The following MACROD2 variants were observed in gnomAD, a reference collection of about 807,000 sequenced individuals.
MACROD2 encodes the protein mono-ADP ribosylhydrolase 2.
A neutral mutation model predicts 70.4 loss-of-function variants in MACROD2; 36 were observed. The ratio of observed to expected loss-of-function variants is 0.51; its 90% CI spans 0.39 to 0.68. MACROD2 has a LOEUF of 0.68. Ranked by LOEUF, MACROD2 falls within the 30% of genes least tolerant of loss-of-function variation. MACROD2 has a pLI of 0.00. For synonymous variants in MACROD2, 172 were observed against 178.8 expected, an observed-to-expected ratio of 0.96 and a Z score of 0.30; for missense variants, 496 against 538.4, an observed-to-expected ratio of 0.92 and a Z score of 0.78.
intron 3 of MACROD2, among the ~76,000 whole-genome samples, chr20:14,365,661 A>C (rs2083265185): frequency 6.6e-6 from 1 of 151,846 alleles, no homozygotes; most frequent in African/African-American, 2.4e-5. Flanking sequence ...CTCTGCACTT[A>C]GTTTTCTGTT....
At chr20:15,397,954 A>T (rs2045881119) in intron 6 of MACROD2, among the ~76,000 whole-genome samples, 1 of 152,240 alleles carries the variant, frequency 6.6e-6, no homozygotes, top group African/African-American at 2.4e-5. Context: ...AGAGCAGAGA[A>T]AAACTATAGC....
At chr20:14,313,432 CTTTTT>C (rs11478631) in intron 3 of MACROD2, among the ~76,000 whole-genome samples, 3 of 133,020 alleles carry the variant, frequency 2.3e-5, no homozygotes, top group Non-Finnish European at 3.3e-5. Flanking sequence ...TTTCCCCCTC[CTTTTT>C]TTTTTTTTTT....
intron 8 of MACROD2, among the ~76,000 whole-genome samples, chr20:15,774,338 T>G (rs994713887): frequency 2.6e-5 from 4 of 152,186 alleles, no homozygotes; most frequent in African/African-American, 9.6e-5. Context: ...AGTGGGAGCC[T>G]TAGGCCTCCA....
intron 3 of MACROD2, among the ~76,000 whole-genome samples, chr20:14,105,637 AGGGT>A (rs1251733046): frequency 6.6e-6 from 1 of 152,214 alleles, no homozygotes; most frequent in Admixed American, 6.5e-5. Context: ...CCAGTGAACT[AGGGT>A]GGCATATGGC....
At chr20:14,156,183 T>C (rs574691373) in intron 3 of MACROD2, among the ~76,000 whole-genome samples, 1 of 152,260 alleles carries the variant, frequency 6.6e-6, no homozygotes, top group African/African-American at 2.4e-5. Flanking sequence ...TAAATCACTA[T>C]GCCAATGTGG....
At chr20:14,768,737 C>G (rs2072125955) in intron 5 of MACROD2, among the ~76,000 whole-genome samples, 1 of 152,020 alleles carries the variant, frequency 6.6e-6, no homozygotes, top group Admixed American at 6.5e-5. Flanking sequence ...CTTCCTCAGC[C>G]TCCCATGTAG....
chr20:14,723,829 C>T (rs547288177), intron 5 of MACROD2, among the ~76,000 whole-genome samples: 1 of 151,908 alleles, frequency 6.6e-6, no homozygotes, highest in Non-Finnish European at 1.5e-5. Context: ...GTTTCATTCT[C>T]GTAAAAGAAA....
intron 1 of MACROD2, among the ~76,000 whole-genome samples, chr20:14,001,226 C>T (rs2052729577): frequency 6.6e-6 from 1 of 152,066 alleles, no homozygotes; most frequent in Admixed American, 6.6e-5. Flanking sequence ...TCCCTATCTG[C>T]AAAATTGGCA....
intron 5 of MACROD2, among the ~76,000 whole-genome samples, chr20:15,035,184 AG>A (rs1468436795): frequency 1.3e-5 from 2 of 152,176 alleles, no homozygotes; most frequent in African/African-American, 4.8e-5. Flanking sequence ...GCTTAAGCCC[AG>A]GAGTTCCAGA....
At chr20:15,168,654 G>A (rs1163573261) in intron 5 of MACROD2, among the ~76,000 whole-genome samples, 4 of 152,074 alleles carry the variant, frequency 2.6e-5, no homozygotes, top group Admixed American at 2.0e-4. Flanking sequence ...TAAACAAAAT[G>A]TGGTAGATAC....
In MACROD2 at chr20:15,815,033, G is replaced by C. The variant is rs139953968; in HGVS notation, c.646-47712G>C. ...TTACACAGGTATTTCAGGGCAGAGG[G>C]GGTACTTTATCCATCTTAGCATCTG... On this transcript the variant is annotated intron_variant, in intron 8 of 17. Coordinates refer to ENST00000684519, the MANE Select transcript of MACROD2 (RefSeq NM_001351661.2). Among the ~76,000 whole-genome samples, 726 of 152,282 alleles carry C rather than the reference G, an allele frequency of 4.8e-3. 6 individuals are homozygous for C. The highest frequency in any genetic ancestry group is 0.015 in the East Asian group (76 of 5,190).
intron 6 of MACROD2, among the ~76,000 whole-genome samples, chr20:15,394,309 T>A (rs1780562052): frequency 6.6e-6 from 1 of 152,228 alleles, no homozygotes; most frequent in South Asian, 2.1e-4. Context: ...GGTCTTTTCA[T>A]ATCAACTTGG....
intron 16 of MACROD2, among the ~76,000 whole-genome samples, chr20:16,044,151 C>T (rs577211162): frequency 4.6e-5 from 7 of 152,124 alleles, no homozygotes; most frequent in South Asian, 2.1e-4. Context: ...ACAATCATGG[C>T]GGGAGAGGAA....
chr20:14,176,697 T>C (rs2081265800), intron 3 of MACROD2, among the ~76,000 whole-genome samples: 1 of 152,208 alleles, frequency 6.6e-6, no homozygotes, highest in South Asian at 2.1e-4. Context: ...GTTTTAAATA[T>C]CTCTTTGAAT....
rs1237561665 is a variant in MACROD2, at chr20:15,517,642, A to G, written c.645+17795A>G. Reference sequence around the variant, plus strand: ...TGAGCGAATGGGAGGGGGAGTAGAGAAAGGGGTATGCCAGACAGCAATCAG... The same window carrying G: ...TGAGCGAATGGGAGGGGGAGTAGAGGAAGGGGTATGCCAGACAGCAATCAG... On this transcript the variant is annotated intron_variant, in intron 8 of 17. Transcript: ENST00000684519. Among the ~76,000 whole-genome samples, 3 of 152,280 alleles carry G rather than the reference A, an allele frequency of 2.0e-5. No individual in the cohort carries two copies. In the South Asian group the frequency reaches 6.2e-4, roughly 32 times the overall value.
chr20:15,099,645 A>C (rs894245639), intron 5 of MACROD2, among the ~76,000 whole-genome samples: 3 of 152,170 alleles, frequency 2.0e-5, no homozygotes, highest in African/African-American at 7.2e-5. Flanking sequence ...TGCTGTAAAC[A>C]AACACCTAAA....
chr20:15,880,092 T>A (rs2064733534), intron 9 of MACROD2, among the ~76,000 whole-genome samples: 1 of 152,014 alleles, frequency 6.6e-6, no homozygotes, highest in Non-Finnish European at 1.5e-5. Context: ...CCGTACCCAT[T>A]CAAATTTTAA....
intron 13 of MACROD2, among the ~76,000 whole-genome samples, chr20:15,969,919 G>A (rs188319948): frequency 7.0e-6 from 1 of 143,694 alleles, no homozygotes; most frequent in Non-Finnish European, 1.5e-5. Context: ...ATAAATAATA[G>A]AAATAAATAT....
At chr20:14,401,133 G>T (rs1045527611) in intron 3 of MACROD2, among the ~76,000 whole-genome samples, 12 of 152,174 alleles carry the variant, frequency 7.9e-5, no homozygotes, top group Admixed American at 2.0e-4. Context: ...AAATTGAGCA[G>T]ATTTCTGAGT....
Sources: gnomAD v4.1 joint callset for allele counts (sites outside exome capture counted in the v4.1 genomes callset) on GRCh38, gnomAD v4.1.1 for gene constraint, MANE v1.5 for transcripts, NCBI Gene and HGNC (gene_info 2026-07-23, HGNC 2026-07-21) for gene names.